PSG3: variants seen among roughly 807,000 people sequenced by gnomAD.
The protein encoded by PSG3 is pregnancy specific beta-1-glycoprotein 3.
In PSG3, 61 loss-of-function variants were observed where a neutral mutation model predicts 47.5. That is an observed-to-expected ratio of 1.28 (90% CI 1.05 to 1.59). The LOEUF is 1.59. PSG3 is among the 40% of genes most tolerant of loss of function. The pLI is 0.00. For missense variants in PSG3, 756 were observed against 524.0 expected (o/e 1.44, Z -4.32); for synonymous variants, 263 against 198.4 (o/e 1.33, Z -2.74).
In PSG3 at chr19:42,739,056, G is replaced by C; in HGVS notation, c.98C>G (p.Thr33Ser). The change falls in exon 2 of 7, where the codon ACT becomes AGT. Residue 33 changes from threonine (T) to serine (S), a missense_variant. By Grantham distance (58) the Thr-to-Ser change is moderately conservative. Transcript: ENST00000327495. Reference sequence around the variant, plus strand: ...CTCGGCTTCAATCGTGACTTGGGCAGTGGTAGGCAAGTTCCAGAAGTTTAA... The same window carrying C: ...CTCGGCTTCAATCGTGACTTGGGCACTGGTAGGCAAGTTCCAGAAGTTTAA... ...LLLNFWNLPT[T>S]AQVTIEAEPT... 6.2e-7 allele frequency: 1 copy of C among 1,610,234 alleles called. No homozygotes were observed.
At chr19:42,727,819 C>G (rs141797677) in intron 5 of PSG3, among the ~76,000 whole-genome samples, 1 of 152,292 alleles carries the variant, frequency 6.6e-6, no homozygotes, top group East Asian at 1.9e-4. Context: ...TATTTGTAAA[C>G]TGATGTTCAG....
At chr19:42,739,958 C>CTT (rs544838262) in intron 1 of PSG3, among the ~76,000 whole-genome samples, 49 of 145,454 alleles carry the variant, frequency 3.4e-4, no homozygotes, top group African/African-American at 3.8e-4. Context: ...TCTTTCCATT[C>CTT]TTTTTTTTTT....
chr19:42,739,436 T>A, intron 1 of PSG3: 1 of 261,534 alleles, frequency 3.8e-6, no homozygotes, highest in Non-Finnish European at 7.2e-6. Context: ...TGACGCCTCC[T>A]TCAGAGACCC....
chr19:42,730,479 A>G (rs942472652), intron 3 of PSG3, among the ~76,000 whole-genome samples: 1 of 152,166 alleles, frequency 6.6e-6, no homozygotes, highest in South Asian at 2.1e-4. Context: ...TTCCATTTCC[A>G]AGGACATTCT....
At chr19:42,723,597 C>T (rs1432137866) in intron 6 of PSG3, among the ~76,000 whole-genome samples, 1 of 152,168 alleles carries the variant, frequency 6.6e-6, no homozygotes, top group African/African-American at 2.4e-5. Flanking sequence ...TCAAGCAATA[C>T]TTTGAGAAGT....
In PSG3 at chr19:42,739,021, C is replaced by G; in HGVS notation, c.133G>C (p.Val45Leu). Residue 45 changes from valine (V) to leucine (L), a missense_variant, in exon 2 of 7, where the codon GTT becomes CTT. Physicochemically the swap from Val to Leu is conservative, Grantham distance 32. Transcript: ENST00000327495. ...QVTIEAEPTK[V>L]SKGKDVLLLV... Reference sequence around the variant, plus strand: ...AGAAGAACGTCCTTCCCCTTGGAAACTTTGGTTGGCTCGGCTTCAATCGTG... The same window carrying G: ...AGAAGAACGTCCTTCCCCTTGGAAAGTTTGGTTGGCTCGGCTTCAATCGTG... 6.2e-7 allele frequency: 1 copy of G among 1,613,932 alleles called. No individual in the cohort carries two copies. Among genetic ancestry groups the G allele is most frequent in the Non-Finnish European group, 8.5e-7 (1 of 1,179,914 alleles).
At chr19:42,722,546 A>C (rs191185761) in intron 6 of PSG3, among the ~76,000 whole-genome samples, 1 of 152,184 alleles carries the variant, frequency 6.6e-6, no homozygotes, top group African/African-American at 2.4e-5. Context: ...GAGCCATCGC[A>C]CCCAGCCTAG....
At chr19:42,739,775 T>A (rs1214722174) in intron 1 of PSG3, among the ~76,000 whole-genome samples, 1 of 152,170 alleles carries the variant, frequency 6.6e-6, no homozygotes, top group African/African-American at 2.4e-5. Context: ...TTATTATCAT[T>A]TTTCAAAATG....
chr19:42,724,049 A>C (rs1423133664), intron 5 of PSG3, 24 bp from the exon 6 acceptor site: 4 of 1,600,556 alleles, frequency 2.5e-6, no homozygotes, highest in Non-Finnish European at 3.4e-6. Flanking sequence ...AAAAGAAAAG[A>C]AGGAATGAAG....
chr19:42,739,352 C>T (rs1279479875), intron 1 of PSG3: 2 of 545,000 alleles, frequency 3.7e-6, no homozygotes, highest in East Asian at 8.1e-5. Flanking sequence ...ATCCTCTTCC[C>T]CAGGGGTCCG....
chr19:42,725,890 CAAAAAAAAAAA>C (rs200684147), intron 5 of PSG3, among the ~76,000 whole-genome samples: 1 of 68,054 alleles, frequency 1.5e-5, no homozygotes, highest in Non-Finnish European at 2.8e-5. Context: ...CAACAACAAC[CAAAAAAAAAAA>C]AAAAAAAAGA....
chr19:42,731,183 A>G (rs1165926691), intron 3 of PSG3, among the ~76,000 whole-genome samples: 1 of 152,198 alleles, frequency 6.6e-6, no homozygotes, highest in Non-Finnish European at 1.5e-5. Context: ...TCTGCTGTAG[A>G]GCTTGATGCC....
intron 2 of PSG3, among the ~76,000 whole-genome samples, chr19:42,737,852 G>T (rs1969592481): frequency 6.6e-6 from 1 of 152,246 alleles, no homozygotes; most frequent in Admixed American, 6.5e-5. Flanking sequence ...CAAATGGACT[G>T]TGGCTTTTCA....
intron 2 of PSG3, chr19:42,733,859 A>G (rs1185229266): frequency 6.6e-6 from 1 of 152,340 alleles, no homozygotes; most frequent in Non-Finnish European, 1.5e-5. Context: ...TTGGAAATAC[A>G]TGTGGATGTT....
chr19:42,740,026 C>A (rs943746089), intron 1 of PSG3, among the ~76,000 whole-genome samples: 29 of 151,616 alleles, frequency 1.9e-4, no homozygotes, highest in Admixed American at 1.5e-3. Flanking sequence ...TATCTCGGCT[C>A]ACTGCAATTT....
intron 3 of PSG3, among the ~76,000 whole-genome samples, chr19:42,731,036 C>G (rs900480688): frequency 2.0e-5 from 3 of 152,172 alleles, no homozygotes; most frequent in African/African-American, 7.2e-5. Flanking sequence ...TTCGACTACT[C>G]TAGGGACCTC....
At chr19:42,739,460 T>C (rs1314906785) in intron 1 of PSG3, 4 of 236,508 alleles carry the variant, frequency 1.7e-5, no homozygotes, top group East Asian at 1.9e-4. Flanking sequence ...GTCTTCCCTT[T>C]CTGACCTTTC....
Position 42,729,194 on chromosome 19 carries a change from A to G in PSG3, c.1172T>C (p.Leu391Pro), listed in dbSNP as rs534647406. ...IPQITTKHSG[L>P]YACSVRNSAT... ...TGAGTTACGAACAGAGCAAGCATAG[A>G]GCCCGCTATGCTTTGTAGTAATCTG... The change falls in exon 5 of 7, where the codon CTC (leucine) becomes CCC (proline). Residue 391 changes from leucine to proline, a missense_variant. By Grantham distance (98) the Leu-to-Pro change is moderately conservative. Coordinates refer to ENST00000327495, the MANE Select transcript of PSG3 (RefSeq NM_021016.4). 1.6e-5 allele frequency: 26 copies of G among 1,613,882 alleles called. No individual in the cohort carries two copies. Among genetic ancestry groups the G allele is most frequent in the Non-Finnish European group, 2.2e-5 (26 of 1,179,874 alleles).
chr19:42,731,415 CT>C (rs950399470), intron 3 of PSG3, among the ~76,000 whole-genome samples: 16 of 151,412 alleles, frequency 1.1e-4, no homozygotes, highest in Admixed American at 3.3e-4. Flanking sequence ...TATTCTTGCC[CT>C]TTTTTTTTCT....
Sources: allele counts gnomAD v4.1 joint callset (sites outside exome capture counted in the v4.1 genomes callset), GRCh38; gene constraint gnomAD v4.1.1; transcripts MANE v1.5; gene names NCBI Gene and HGNC (gene_info 2026-07-23, HGNC 2026-07-21).